CTNNA3: variants seen among roughly 807,000 people sequenced by gnomAD.
The protein encoded by CTNNA3 is catenin alpha-3.
A neutral mutation model predicts 95.7 loss-of-function variants in CTNNA3; 76 were observed. The observed-to-expected ratio is 0.79, with a 90% CI of 0.66 to 0.96. The LOEUF (loss-of-function observed/expected upper bound fraction) is 0.96. Among genes scored for constraint, CTNNA3 ranks in the 40% least tolerant of loss-of-function variants. The pLI is 0.00. For synonymous variants in CTNNA3, 431 were observed against 374.4 expected (o/e 1.15, Z -1.74); for missense variants, 1,191 against 1,089.8 (o/e 1.09, Z -1.31).
chr10:66,116,635 G>A (rs1052374774), intron 13 of CTNNA3, among the ~76,000 whole-genome samples: 2 of 152,104 alleles, frequency 1.3e-5, no homozygotes, highest in Non-Finnish European at 2.9e-5. Flanking sequence ...AACACATACT[G>A]TATGTATTAG....
intron 12 of CTNNA3, among the ~76,000 whole-genome samples, chr10:66,367,221 A>T (rs2092716422): frequency 6.6e-6 from 1 of 152,100 alleles, no homozygotes; most frequent in African/African-American, 2.4e-5. Context: ...ACCCCTAAAC[A>T]TTGTAAACAA....
chr10:66,705,253 T>C (rs145452120), intron 9 of CTNNA3, among the ~76,000 whole-genome samples: 193 of 152,180 alleles, frequency 1.3e-3, no homozygotes, highest in Non-Finnish European at 1.7e-3. Context: ...ATACATTGAA[T>C]TAGATTTGCC....
chr10:67,393,066 A>T (rs141499757), intron 5 of CTNNA3, among the ~76,000 whole-genome samples: 2,452 of 151,926 alleles, frequency 0.016, 47 homozygotes, highest in African/African-American at 0.046. Flanking sequence ...TAATAAAAAA[A>T]AAATAAATAA....
intron 2 of CTNNA3, among the ~76,000 whole-genome samples, chr10:67,642,716 C>CAA (rs535011766): frequency 0.14 from 19,765 of 140,618 alleles, 2,322 homozygotes; most frequent in African/African-American, 0.33. Context: ...GACTCTGTCT[C>CAA]AAAAAAAAAA....
Position 66,200,250 on chromosome 10 carries a change from G to A in CTNNA3, c.1884+80220C>T, listed in dbSNP as rs1198135314. Among the ~76,000 whole-genome samples the A allele has an allele frequency of 2.0e-5, 3 of 150,092 alleles. No individual in the cohort carries two copies. The East Asian group carries it at 6.0e-4, about 30-fold the overall frequency. ...GAAGGTAAGGGAAGGGAGGGGAGGG[G>A]AGGAGAGGGAAGGGAAGGCTTAAGC... On this transcript the variant is annotated intron_variant, in intron 13 of 17. Coordinates refer to ENST00000433211, the MANE Select transcript of CTNNA3 (RefSeq NM_013266.4).
intron 1 of CTNNA3, among the ~76,000 whole-genome samples, chr10:67,716,892 G>A (rs927560155): frequency 4.6e-5 from 7 of 152,176 alleles, no homozygotes; most frequent in African/African-American, 1.4e-4. Context: ...TTGAGGAATC[G>A]CCACACTGTC....
intron 9 of CTNNA3, among the ~76,000 whole-genome samples, chr10:66,740,731 T>C (rs996468147): frequency 2.0e-5 from 3 of 152,220 alleles, no homozygotes; most frequent in African/African-American, 7.2e-5. Flanking sequence ...ATTATCACTA[T>C]GGTAGTTTCA....
intron 1 of CTNNA3, among the ~76,000 whole-genome samples, chr10:67,726,632 T>G (rs1335713134): frequency 3.5e-5 from 2 of 57,438 alleles, no homozygotes; most frequent in African/African-American, 7.5e-5. Flanking sequence ...TATATTATAT[T>G]ATATATAATA....
At chr10:66,505,831 T>C (rs1325580840) in intron 11 of CTNNA3, among the ~76,000 whole-genome samples, 1 of 152,186 alleles carries the variant, frequency 6.6e-6, no homozygotes, top group Non-Finnish European at 1.5e-5. Flanking sequence ...GATGGTGTTC[T>C]AAAAACTGAT....
intron 7 of CTNNA3, among the ~76,000 whole-genome samples, chr10:66,851,222 G>A (rs1350961693): frequency 6.6e-6 from 1 of 151,962 alleles, no homozygotes; most frequent in Non-Finnish European, 1.5e-5. Flanking sequence ...TTTCTTCTGA[G>A]ATTTTCTTCA....
At chr10:67,090,838 G>T (rs74929318) in intron 7 of CTNNA3, among the ~76,000 whole-genome samples, 2,336 of 152,066 alleles carry the variant, frequency 0.015, 59 homozygotes, top group African/African-American at 0.053. Context: ...TAGAACCTGC[G>T]GTAACATCTA....
At chr10:67,506,147 T>C (rs770592287) in intron 5 of CTNNA3, among the ~76,000 whole-genome samples, 2 of 152,222 alleles carry the variant, frequency 1.3e-5, no homozygotes, top group Admixed American at 6.5e-5. Context: ...ATGTTGACTC[T>C]GAAGAATATC....
intron 15 of CTNNA3, among the ~76,000 whole-genome samples, chr10:66,023,853 C>G (rs1334957587): frequency 6.6e-6 from 1 of 152,014 alleles, no homozygotes; most frequent in South Asian, 2.1e-4. Context: ...TTCCCCAAGT[C>G]TCCTTTTAGA....
chr10:67,663,180 G>A (rs572218745), intron 1 of CTNNA3, among the ~76,000 whole-genome samples: 229 of 152,178 alleles, frequency 1.5e-3, no homozygotes, highest in African/African-American at 4.6e-3. Context: ...ATCATCCTGT[G>A]CATCTGATCA....
chr10:65,935,156 C>A (rs910744774), intron 17 of CTNNA3, among the ~76,000 whole-genome samples: 2 of 152,232 alleles, frequency 1.3e-5, no homozygotes, highest in African/African-American at 4.8e-5. Flanking sequence ...TTGGCTACAA[C>A]AGTAGTCCGT....
chr10:66,948,898 G>C (rs1015956648), intron 7 of CTNNA3, among the ~76,000 whole-genome samples: 4 of 152,178 alleles, frequency 2.6e-5, no homozygotes, highest in Non-Finnish European at 5.9e-5. Flanking sequence ...AAGGTGTCAA[G>C]TGTGGGTCTC....
At chr10:66,737,751 C>T (rs1849194553) in intron 9 of CTNNA3, among the ~76,000 whole-genome samples, 1 of 151,864 alleles carries the variant, frequency 6.6e-6, no homozygotes, top group Non-Finnish European at 1.5e-5. Flanking sequence ...CCTCTGACTG[C>T]CTGGTTCAAG....
chr10:67,295,577 A>C (rs1840001275), intron 5 of CTNNA3, among the ~76,000 whole-genome samples: 1 of 152,218 alleles, frequency 6.6e-6, no homozygotes, highest in Non-Finnish European at 1.5e-5. Context: ...GCAGCTATTT[A>C]AAGTAAATAA....
At chr10:66,800,803 A>G (rs1031083880) in intron 7 of CTNNA3, among the ~76,000 whole-genome samples, 10 of 151,304 alleles carry the variant, frequency 6.6e-5, no homozygotes, top group African/African-American at 1.9e-4. Context: ...AAGTATTTTT[A>G]TTTGCTGAAA....
Sources: gnomAD v4.1 joint callset for allele counts (sites outside exome capture counted in the v4.1 genomes callset) on GRCh38, gnomAD v4.1.1 for gene constraint, MANE v1.5 for transcripts, NCBI Gene and HGNC (gene_info 2026-07-23, HGNC 2026-07-21) for gene names.